The following RELN variants were observed in gnomAD, a reference collection of about 807,000 sequenced individuals.
RELN encodes the protein reelin.
In RELN, 108 loss-of-function variants were observed where a neutral mutation model predicts 427.6. That is an observed-to-expected ratio of 0.25 (90% CI 0.22 to 0.30). RELN has a LOEUF of 0.30. Among genes scored for constraint, RELN ranks in the 10% least tolerant of loss-of-function variants. The pLI, the probability that RELN is intolerant of heterozygous loss-of-function variation, is 1.00. For synonymous variants in RELN, 1,524 were observed against 1,513.4 expected (o/e 1.01, Z -0.16); for missense variants, 3,715 against 4,302.8 (o/e 0.86, Z 3.82).
intron 3 of RELN, among the ~76,000 whole-genome samples, chr7:103,791,292 A>G (rs768958655): frequency 2.0e-5 from 3 of 152,342 alleles, no homozygotes; most frequent in Non-Finnish European, 4.4e-5. Context: ...AGAAGAGTCA[A>G]AATAATCATG....
At chr7:103,579,794 T>G (rs575646932) in intron 28 of RELN, among the ~76,000 whole-genome samples, 6 of 152,308 alleles carry the variant, frequency 3.9e-5, no homozygotes, top group Non-Finnish European at 7.4e-5. Flanking sequence ...TACCCTTCCA[T>G]CACCACACAA....
intron 2 of RELN, among the ~76,000 whole-genome samples, chr7:103,916,605 T>C (rs1453311495): frequency 1.3e-5 from 2 of 152,220 alleles, no homozygotes; most frequent in East Asian, 3.8e-4. Context: ...AATAGGATTC[T>C]TCTAAGAATA....
intron 1 of RELN, among the ~76,000 whole-genome samples, chr7:103,950,155 GCTAT>G (rs1796305030): frequency 6.6e-6 from 1 of 152,136 alleles, no homozygotes; most frequent in African/African-American, 2.4e-5. Flanking sequence ...AGCTTTCTGG[GCTAT>G]CTTTTATAAG....
At chr7:103,556,707 T>C (rs916736082) in intron 38 of RELN, among the ~76,000 whole-genome samples, 1 of 152,224 alleles carries the variant, frequency 6.6e-6, no homozygotes, top group Non-Finnish European at 1.5e-5. Flanking sequence ...ATGTAAGACA[T>C]GCCTTTTGCC....
Position 103,630,018 on chromosome 7 carries a change from T to A in RELN, c.2624A>T (p.Asn875Ile). The stretch of plus-strand genomic sequence containing the variant: ...CAGAGACTGAGTGACCTCCACAAGA[T>A]TGGTAAAGTCAAGACTAATGCTGTT... Reference protein sequence around the residue: ...LFNSISLDFTNLVEVTQSLGF... With the variant: ...LFNSISLDFTILVEVTQSLGF... The change falls in exon 20 of 65, where the codon AAT becomes ATT. Residue 875 changes from asparagine to isoleucine, a missense_variant. Transcript: ENST00000428762. The A allele has an allele frequency of 3.1e-6, 5 of 1,613,860 alleles. No homozygotes were observed. The South Asian group carries it at 5.5e-5, about 18-fold the overall frequency.
chr7:103,760,439 T>C (rs1306737726), intron 4 of RELN, among the ~76,000 whole-genome samples: 5 of 152,024 alleles, frequency 3.3e-5, no homozygotes, highest in African/African-American at 1.2e-4. Flanking sequence ...CTGACTTATT[T>C]TGGATGGAAA....
Position 103,824,627 on chromosome 7 carries a change from AGT to A in RELN, c.473+8908_473+8909del, listed in dbSNP as rs368098458. Among the ~76,000 whole-genome samples, 5,642 of 130,842 alleles carry A rather than the reference AGT, an allele frequency of 0.043. 134 individuals are homozygous for A. Among genetic ancestry groups the A allele is most frequent in the South Asian group, 0.067 (246 of 3,658 alleles). The allele number at this position is 130,842 out of a possible 152,430, so 85.8% of individuals were successfully genotyped here. On this transcript the variant is annotated intron_variant, in intron 3 of 64. Coordinates refer to ENST00000428762, the MANE Select transcript of RELN (RefSeq NM_005045.4). This position sits in a 1 kb window ranked among gnomAD's most constrained non-coding sequence, Gnocchi z 4.4. ...GTGTTTTCACTTTCTTTCAAAACAGAGTGTGTGTGTGTGTGTGTGTGTGTGTG... is the reference window on the plus strand; with the variant it reads ...GTGTTTTCACTTTCTTTCAAAACAGAGTGTGTGTGTGTGTGTGTGTGTGTG...
chr7:103,964,514 A>C (rs1487747244), intron 1 of RELN, among the ~76,000 whole-genome samples: 1 of 152,204 alleles, frequency 6.6e-6, no homozygotes, highest in Non-Finnish European at 1.5e-5. Context: ...CAGATGGCTC[A>C]GTTAGGGCAC....
intron 1 of RELN, among the ~76,000 whole-genome samples, chr7:103,942,138 C>T (rs1244654096): frequency 4.6e-5 from 7 of 152,160 alleles, no homozygotes; most frequent in Non-Finnish European, 2.9e-5. Flanking sequence ...ACCTCGCATA[C>T]TTATAATTTT....
chr7:103,605,631 T>C (rs989045025), intron 22 of RELN, among the ~76,000 whole-genome samples: 27 of 152,296 alleles, frequency 1.8e-4, no homozygotes, highest in African/African-American at 6.5e-4. Context: ...AAACAAAACA[T>C]GATTTGCAAA....
intron 6 of RELN, among the ~76,000 whole-genome samples, chr7:103,730,765 T>C (rs1790333900): frequency 6.6e-6 from 1 of 152,158 alleles, no homozygotes; most frequent in Non-Finnish European, 1.5e-5. Context: ...CTTTTAAATG[T>C]CCTTTACTTG....
chr7:103,736,922 G>T (rs575867), intron 6 of RELN, among the ~76,000 whole-genome samples: 1 of 151,956 alleles, frequency 6.6e-6, no homozygotes, highest in Non-Finnish European at 1.5e-5. Context: ...AGGGGAATGA[G>T]GGGGAGGAAG....
intron 2 of RELN, among the ~76,000 whole-genome samples, chr7:103,841,424 A>C (rs1793549213): frequency 6.6e-6 from 1 of 152,136 alleles, no homozygotes; most frequent in African/African-American, 2.4e-5. Flanking sequence ...AAGGATAGGA[A>C]TCAATAGCAG....
At chr7:103,545,655 T>C (rs1584281863) in intron 41 of RELN, among the ~76,000 whole-genome samples, 1 of 152,214 alleles carries the variant, frequency 6.6e-6, no homozygotes, top group East Asian at 1.9e-4. Flanking sequence ...TTTATTTTTT[T>C]TTTTGAGACA....
chr7:103,559,749 A>G (rs1412405638), intron 36 of RELN, among the ~76,000 whole-genome samples: 1 of 152,164 alleles, frequency 6.6e-6, no homozygotes, highest in East Asian at 1.9e-4. Flanking sequence ...TAAGTGTTGG[A>G]TTCTTTTAGA....
At chr7:103,491,751 C>A (rs1475117362) in intron 58 of RELN, among the ~76,000 whole-genome samples, 2 of 151,666 alleles carry the variant, frequency 1.3e-5, no homozygotes, top group African/African-American at 2.4e-5. Context: ...ACCGCTTGAA[C>A]CTGGGAGGCG....
intron 2 of RELN, among the ~76,000 whole-genome samples, chr7:103,870,985 G>A (rs1794318765): frequency 6.6e-6 from 1 of 152,100 alleles, no homozygotes; most frequent in Non-Finnish European, 1.5e-5. Context: ...CCTGCTCACT[G>A]CTCTGCAGTT....
chr7:103,917,968 GATGCC>G (rs1337106778), intron 1 of RELN, among the ~76,000 whole-genome samples: 1 of 152,054 alleles, frequency 6.6e-6, no homozygotes, highest in African/African-American at 2.4e-5. Context: ...AGATTGAGAT[GATGCC>G]ATTTGTAGGA....
At chr7:103,850,774 A>G (rs971786860) in intron 2 of RELN, among the ~76,000 whole-genome samples, 17 of 152,178 alleles carry the variant, frequency 1.1e-4, no homozygotes, top group African/African-American at 4.1e-4. Flanking sequence ...GCAAATCAAA[A>G]CCACAATGTG....
Sources: allele counts gnomAD v4.1 joint callset (sites outside exome capture counted in the v4.1 genomes callset), GRCh38; gene constraint gnomAD v4.1.1; non-coding constraint Gnocchi (gnomAD v3.1); transcripts MANE v1.5; gene names NCBI Gene and HGNC (gene_info 2026-07-23, HGNC 2026-07-21).